The following STAB2 variants were observed in gnomAD, a reference collection of about 807,000 sequenced individuals.
STAB2 encodes the protein stabilin-2.
STAB2 carries 288 observed loss-of-function variants against 338.1 expected under a neutral mutation model. The ratio of observed to expected loss-of-function variants is 0.85; its 90% confidence interval spans 0.77 to 0.94. The LOEUF (loss-of-function observed/expected upper bound fraction) is 0.94. Ranked by LOEUF, STAB2 falls within the 40% of genes least tolerant of loss-of-function variation. The pLI is 0.00. For missense variants in STAB2, 3,141 were observed against 3,210.1 expected (o/e 0.98, Z 0.52); for synonymous variants, 1,202 against 1,193.3 (o/e 1.01, Z -0.15).
intron 38 of STAB2, among the ~76,000 whole-genome samples, chr12:103,707,819 A>C (rs575340363): frequency 6.6e-6 from 1 of 152,264 alleles, no homozygotes; most frequent in African/African-American, 2.4e-5. Context: ...ATTGGGCCAT[A>C]TAATATTTAC....
chr12:103,595,398 G>A (rs1241830089), intron 3 of STAB2, among the ~76,000 whole-genome samples: 1 of 151,864 alleles, frequency 6.6e-6, no homozygotes, highest in Non-Finnish European at 1.5e-5. Context: ...CACTTGTAAA[G>A]TTTACAAAGG....
At chr12:103,661,446 CA>C (rs1301164474) in intron 17 of STAB2, among the ~76,000 whole-genome samples, 7 of 152,194 alleles carry the variant, frequency 4.6e-5, no homozygotes, top group Admixed American at 6.5e-5. Flanking sequence ...GTGCATCAGG[CA>C]CTGTTGTAGG....
intron 3 of STAB2, among the ~76,000 whole-genome samples, chr12:103,596,861 A>G (rs907047371): frequency 3.4e-5 from 5 of 147,066 alleles, no homozygotes; most frequent in Admixed American, 1.4e-4. Context: ...TGGGAGACTG[A>G]GGCTGGAGAA....
chr12:103,655,318 T>C lies in STAB2; in HGVS notation c.1608+11T>C. The C allele has an allele frequency of 6.2e-7, 1 of 1,610,820 alleles. No individual in the cohort carries two copies. Among genetic ancestry groups the C allele is most frequent in the Non-Finnish European group, 8.5e-7 (1 of 1,178,924 alleles). ...AGATCTTTGTTAGAGGTAAGCACTT[T>C]TCATAATTTTCTGAAAAATATTTAT... On this transcript the variant is annotated intron_variant, in intron 14 of 68. Transcript: ENST00000388887.
intron 44 of STAB2, among the ~76,000 whole-genome samples, chr12:103,721,607 A>G (rs777587578): frequency 1.3e-5 from 2 of 152,230 alleles, no homozygotes; most frequent in Non-Finnish European, 2.9e-5. Context: ...CTAAAGCAGA[A>G]GCAAGAAGAC....
chr12:103,687,001 T>A (rs1233009626), intron 27 of STAB2, among the ~76,000 whole-genome samples: 1 of 152,196 alleles, frequency 6.6e-6, no homozygotes, highest in Non-Finnish European at 1.5e-5. Flanking sequence ...TCTTGCTAAC[T>A]TACTTTTTTA....
intron 9 of STAB2, among the ~76,000 whole-genome samples, chr12:103,640,690 G>A (rs1872865019): frequency 6.6e-6 from 1 of 152,212 alleles, no homozygotes; most frequent in African/African-American, 2.4e-5. Flanking sequence ...CTGGACTCTA[G>A]ATTTCAAAAG....
At chr12:103,701,300 G>A (rs1444710924) in intron 34 of STAB2, among the ~76,000 whole-genome samples, 2 of 152,026 alleles carry the variant, frequency 1.3e-5, no homozygotes, top group Non-Finnish European at 2.9e-5. Context: ...TGTGAATAAT[G>A]CTGCAATAAA....
rs562187361 is a variant in STAB2, at chr12:103,655,476, C to T, written c.1629C>T (p.Ala543=). The change falls in exon 15 of 69, where the codon GCC becomes GCT. Residue 543 remains alanine (A), a synonymous_variant. Coordinates refer to ENST00000388887, the MANE Select transcript of STAB2 (RefSeq NM_017564.10). ...SLLEETNLGH[A]LDEDGVGGPY... ...TGCAGGAAACCAATTTGGGACATGC[C>T]TTAGATGAGGATGGAGTTGGTGGAC... 1 of 1,613,962 alleles carries T rather than the reference C, an allele frequency of 6.2e-7. No homozygotes were observed. Among genetic ancestry groups the T allele is most frequent in the African/African-American group, 1.3e-5 (1 of 74,976 alleles).
At chr12:103,734,407 A>T (rs552064557) in intron 51 of STAB2, among the ~76,000 whole-genome samples, 3 of 150,974 alleles carry the variant, frequency 2.0e-5, no homozygotes, top group Non-Finnish European at 2.9e-5. Flanking sequence ...ATATGGGAGC[A>T]AGCATGATCA....
chr12:103,629,189 G>A (rs896663241), intron 5 of STAB2, among the ~76,000 whole-genome samples: 5 of 152,218 alleles, frequency 3.3e-5, no homozygotes, highest in African/African-American at 7.2e-5. Context: ...AGAGGCTGTG[G>A]TGTTCTGCTG....
At chr12:103,734,011 C>T (rs1259593155) in intron 51 of STAB2, among the ~76,000 whole-genome samples, 1 of 148,138 alleles carries the variant, frequency 6.8e-6, no homozygotes, top group East Asian at 2.0e-4. Flanking sequence ...CATATAGGAG[C>T]AAGCATGATC....
chr12:103,603,647 G>T (rs1956986433), intron 3 of STAB2, among the ~76,000 whole-genome samples: 1 of 152,130 alleles, frequency 6.6e-6, no homozygotes, highest in East Asian at 1.9e-4. Context: ...ATGAAGTAGT[G>T]TAAGTCCTCC....
chr12:103,630,836 A>G (rs1178161258), intron 5 of STAB2, among the ~76,000 whole-genome samples: 1 of 152,216 alleles, frequency 6.6e-6, no homozygotes, highest in Non-Finnish European at 1.5e-5. Context: ...ATTTTAGCTC[A>G]ATGAGTACAT....
At chr12:103,756,812 C>T (rs1884135357) in intron 63 of STAB2, among the ~76,000 whole-genome samples, 1 of 151,880 alleles carries the variant, frequency 6.6e-6, no homozygotes, top group African/African-American at 2.4e-5. Context: ...CAAAGATATC[C>T]ATCTCACTGG....
At chr12:103,593,814 T>C (rs942852061) in intron 2 of STAB2, among the ~76,000 whole-genome samples, 4 of 152,246 alleles carry the variant, frequency 2.6e-5, no homozygotes, top group African/African-American at 9.6e-5. Context: ...CAATAGTGTT[T>C]AACCTCCATA....
chr12:103,622,842 T>C (rs1165215218), intron 5 of STAB2, among the ~76,000 whole-genome samples: 1 of 152,230 alleles, frequency 6.6e-6, no homozygotes, highest in Admixed American at 6.5e-5. Context: ...CCAGCTTTTC[T>C]CTGGGCTCTT....
At chr12:103,736,731 C>T (rs561438510) in intron 52 of STAB2, among the ~76,000 whole-genome samples, 2 of 152,134 alleles carry the variant, frequency 1.3e-5, no homozygotes, top group African/African-American at 4.8e-5. Context: ...GTGACTTGCC[C>T]ATAGTCACAT....
At position 103,683,877 on chromosome 12, in the gene STAB2, T is replaced by G. The variant is rs138383092; in HGVS notation, c.2901+577T>G. ...GCTAAGCACCAAACATAGGAATCAATGAAGTCTGATGCCTTAATCACAGTG... is the reference window on the plus strand; with the variant it reads ...GCTAAGCACCAAACATAGGAATCAAGGAAGTCTGATGCCTTAATCACAGTG... On this transcript the variant is annotated intron_variant, in intron 26 of 68. Transcript: ENST00000388887. 2.0e-5 allele frequency among the ~76,000 whole-genome samples: 3 copies of G among 152,288 alleles called. No homozygotes were observed. The East Asian group carries it at 5.8e-4, about 29-fold the overall frequency.
Sources: allele counts gnomAD v4.1 joint callset (sites outside exome capture counted in the v4.1 genomes callset), GRCh38; gene constraint gnomAD v4.1.1; transcripts MANE v1.5; gene names NCBI Gene and HGNC (gene_info 2026-07-23, HGNC 2026-07-21).